MID2: variants seen among roughly 807,000 people sequenced by gnomAD.
MID2 encodes the protein midline 2.
MID2 carries 13 observed loss-of-function variants against 46.1 expected under a neutral mutation model. That is an observed-to-expected ratio of 0.28 (90% CI 0.18 to 0.45). The LOEUF is 0.45. Among genes scored for constraint, MID2 ranks in the 20% least tolerant of loss-of-function variants. The probability of loss-of-function intolerance (pLI) is 1.00; values close to 1 mark genes in which losing one functional copy is unlikely to be tolerated. For missense variants in MID2, 431 were observed against 575.4 expected, an observed-to-expected ratio of 0.75 and a Z score of 2.57; for synonymous variants, 199 against 212.3, an observed-to-expected ratio of 0.94 and a Z score of 0.55.
intron 1 of MID2, among the ~76,000 whole-genome samples, chrX:107,831,729 C>T (rs1454187568): frequency 5.4e-5 from 6 of 111,375 alleles, no homozygotes; most frequent in Admixed American, 3.8e-4. Context: ...TCCAGGTGAA[C>T]CACTGAACAT....
chrX:107,863,831 G>A (rs1931904303), intron 3 of MID2, among the ~76,000 whole-genome samples: 1 of 112,644 alleles, frequency 8.9e-6, no homozygotes. Flanking sequence ...TGCCTGTCTA[G>A]AGGAGTCCAG....
In MID2 at chrX:107,843,673, C is replaced by T. The variant is rs750598023; in HGVS notation, c.720+2288C>T. Among the ~76,000 whole-genome samples the T allele has an allele frequency of 3.7e-3, 412 of 110,624 alleles. 7 individuals carry two copies. The highest frequency in any genetic ancestry group is 0.013 in the African/African-American group (400 of 30,385). On this transcript the variant is annotated intron_variant, in intron 2 of 9. Transcript: ENST00000262843. ...AGAGGTACTGGTTGTGTGTGTGTTG[C>T]GGGGGTGGAGGGGTCACTTTGGTTT...
chrX:107,874,490 C>A (rs1398243493), intron 3 of MID2, among the ~76,000 whole-genome samples: 1 of 112,580 alleles, frequency 8.9e-6, no homozygotes, highest in Non-Finnish European at 1.9e-5. Context: ...ACTTAGGTAG[C>A]CTACAGGCTG....
chrX:107,875,998 G>A (rs1194360167), intron 3 of MID2, among the ~76,000 whole-genome samples: 2 of 111,951 alleles, frequency 1.8e-5, no homozygotes, highest in Non-Finnish European at 3.8e-5. Context: ...CTCTGGACCT[G>A]GTGACCAGCC....
At chrX:107,924,896 C>T (rs1341738051) in intron 8 of MID2, among the ~76,000 whole-genome samples, 1 of 112,118 alleles carries the variant, frequency 8.9e-6, no homozygotes, top group African/African-American at 3.2e-5. Flanking sequence ...TAACAAATAG[C>T]GTTTGTTAAT....
chrX:107,874,923 A>G (rs1298288406), intron 3 of MID2, among the ~76,000 whole-genome samples: 1 of 111,492 alleles, frequency 9.0e-6, no homozygotes, highest in East Asian at 2.8e-4. Flanking sequence ...TTGAAACCTT[A>G]TATCCTCTAT....
At chrX:107,859,337 G>A (rs1361319316) in intron 3 of MID2, among the ~76,000 whole-genome samples, 4 of 112,006 alleles carry the variant, frequency 3.6e-5, no homozygotes, top group Non-Finnish European at 7.5e-5. Context: ...TGTTGGTGGA[G>A]CCCTCTTTAA....
chrX:107,907,810 A>G (rs1932848986), intron 5 of MID2, among the ~76,000 whole-genome samples: 1 of 112,366 alleles, frequency 8.9e-6, no homozygotes, highest in Non-Finnish European at 1.9e-5. Flanking sequence ...AAAGTAAAAT[A>G]TTACTATAAG....
intron 3 of MID2, among the ~76,000 whole-genome samples, chrX:107,893,537 T>C: frequency 8.9e-6 from 1 of 112,638 alleles, no homozygotes; most frequent in Non-Finnish European, 1.9e-5. Context: ...CAAGTCAATT[T>C]AAAACTTTTA....
At chrX:107,887,383 A>T (rs1932479155) in intron 3 of MID2, among the ~76,000 whole-genome samples, 1 of 112,003 alleles carries the variant, frequency 8.9e-6, no homozygotes, top group Non-Finnish European at 1.9e-5. Flanking sequence ...TGAGATAATC[A>T]TCTGGTTTTT....
chrX:107,889,727 C>T (rs1046733737), intron 3 of MID2, among the ~76,000 whole-genome samples: 1 of 112,044 alleles, frequency 8.9e-6, no homozygotes, highest in Non-Finnish European at 1.9e-5. Flanking sequence ...CAACTTGGTT[C>T]CATTCTCCCC....
intron 3 of MID2, among the ~76,000 whole-genome samples, chrX:107,874,319 A>G (rs1301653876): frequency 3.6e-5 from 4 of 112,598 alleles, no homozygotes; most frequent in South Asian, 7.4e-4. Flanking sequence ...TGTTAGCCAG[A>G]GATTCCCCTT....
intron 3 of MID2, among the ~76,000 whole-genome samples, chrX:107,890,570 T>A (rs1194620936): frequency 8.9e-6 from 1 of 112,178 alleles, no homozygotes; most frequent in Non-Finnish European, 1.9e-5. Context: ...GGGTTAGGGA[T>A]CCACTTGAAG....
chrX:107,908,586 AAG>A (rs1411664238), intron 5 of MID2, among the ~76,000 whole-genome samples: 1 of 109,985 alleles, frequency 9.1e-6, no homozygotes, highest in Admixed American at 9.7e-5. Flanking sequence ...TCCATATCTC[AAG>A]ATATTCAGGC....
chrX:107,842,522 C>T (rs2147826752), intron 2 of MID2, among the ~76,000 whole-genome samples: 1 of 112,043 alleles, frequency 8.9e-6, no homozygotes, highest in African/African-American at 3.2e-5. Flanking sequence ...TTCCTCCTGC[C>T]ATGCAGTGGA....
At position 107,923,760 on chromosome X, in the gene MID2, T is replaced by G. The variant is rs138452528; in HGVS notation, c.1436-583T>G. Among the ~76,000 whole-genome samples the G allele has an allele frequency of 7.6e-3, 850 of 111,897 alleles. 11 individuals are homozygous for G. Among genetic ancestry groups the G allele is most frequent in the African/African-American group, 0.026 (807 of 30,776 alleles). On this transcript the variant is annotated intron_variant, in intron 7 of 9. Transcript: ENST00000262843. The stretch of plus-strand genomic sequence containing the variant: ...TTGTTGTTCACCCCATGAACTGTGA[T>G]GTAGTAGAGAGAACACTGGGCTACC...
At chrX:107,877,234 G>C (rs1932220850) in intron 3 of MID2, among the ~76,000 whole-genome samples, 1 of 112,161 alleles carries the variant, frequency 8.9e-6, no homozygotes, top group Admixed American at 9.4e-5. Context: ...CCAACTACAC[G>C]ATGGTATTGA....
chrX:107,907,046 T>C (rs1156619878), intron 5 of MID2, among the ~76,000 whole-genome samples: 1 of 112,075 alleles, frequency 8.9e-6, no homozygotes, highest in Non-Finnish European at 1.9e-5. Context: ...ATACTCTCTT[T>C]TCAATATTCT....
intron 5 of MID2, among the ~76,000 whole-genome samples, chrX:107,906,882 G>A (rs1409230107): frequency 2.7e-5 from 3 of 112,198 alleles, no homozygotes; most frequent in Admixed American, 9.4e-5. Flanking sequence ...CACTGCCCTC[G>A]GCCAACAATT....
Sources: allele counts gnomAD v4.1 joint callset (sites outside exome capture counted in the v4.1 genomes callset), GRCh38; gene constraint gnomAD v4.1.1; transcripts MANE v1.5; gene names NCBI Gene and HGNC (gene_info 2026-07-23, HGNC 2026-07-21).